Variants in OR6C74 observed in about 807,000 individuals in gnomAD.
OR6C74 encodes olfactory receptor family 6 subfamily C member 74.
For missense variants in OR6C74, 361 were observed against 362.9 expected, an observed-to-expected ratio of 0.99 and a Z score of 0.04; for synonymous variants, 142 against 134.2, an observed-to-expected ratio of 1.06 and a Z score of -0.40.
In OR6C74 at chr12:55,248,010, C is replaced by T. The variant is rs772190595; in HGVS notation, c.723C>T (p.Ser241=). The part of the protein sequence containing the change: ...QRKKAFSTCS[S]HMVVVSISYG... ...AAAAAGCATTTTCTACATGTTCTTCCCACATGGTGGTCGTGTCCATTTCTT... is the reference window on the plus strand; with the variant it reads ...AAAAAGCATTTTCTACATGTTCTTCTCACATGGTGGTCGTGTCCATTTCTT... The change falls in exon 2 of 2, where the codon TCC becomes TCT. Residue 241 remains serine (S), a synonymous_variant. Transcript: ENST00000343399. The T allele has an allele frequency of 6.2e-7, 1 of 1,614,002 alleles. No individual in the cohort carries two copies. The highest frequency in any genetic ancestry group is 1.1e-5 in the South Asian group (1 of 91,082).
At position 55,251,662 on chromosome 12, in the gene OR6C74, T is replaced by C. The variant is rs1954312167; in HGVS notation, c.*3436T>C. On this transcript the variant is annotated 3_prime_UTR_variant, in exon 2 of 2. Transcript: ENST00000343399. ...AATTAGGTGTTAGAAAACTACAAGT[T>C]TACTATAAATATGGAGTGTTTATGA... is the stretch of plus-strand genomic sequence containing the variant. Among the ~76,000 whole-genome samples the C allele has an allele frequency of 6.6e-6, 1 of 151,914 alleles. No homozygotes were observed. Among genetic ancestry groups the C allele is most frequent in the African/African-American group, 2.4e-5 (1 of 41,426 alleles).
In OR6C74 at chr12:55,247,646, G is replaced by T. The variant is rs147024621; in HGVS notation, c.359G>T (p.Arg120Leu). ...FFLLAAMSYE[R>L]YVAICKPLHY... is the part of the protein sequence containing the mutation. ...CTTCTGGCTGCCATGTCCTATGAGCGCTATGTGGCCATCTGCAAACCCCTG... is the reference window on the plus strand; with the variant it reads ...CTTCTGGCTGCCATGTCCTATGAGCTCTATGTGGCCATCTGCAAACCCCTG... The change falls in exon 2 of 2, where the codon CGC (arginine) becomes CTC (leucine). Residue 120 changes from arginine to leucine, a missense_variant. Coordinates refer to ENST00000343399, the MANE Select transcript of OR6C74 (RefSeq NM_001005490.2). 1.3e-5 allele frequency: 21 copies of T among 1,613,698 alleles called. No individual in the cohort carries two copies. The highest frequency in any genetic ancestry group is 1.7e-5 in the Non-Finnish European group (20 of 1,179,910).
chr12:55,249,681 G>A lies in OR6C74; in HGVS notation c.*1455G>A, dbSNP rs1239671140. Reference sequence around the variant, plus strand: ...GCAATACTTTAAGAACATTTTATTTGAAAATAGAAAATAAATATCTAGGGA... The same window carrying A: ...GCAATACTTTAAGAACATTTTATTTAAAAATAGAAAATAAATATCTAGGGA... On this transcript the variant is annotated 3_prime_UTR_variant, in exon 2 of 2. Transcript: ENST00000343399. Among the ~76,000 whole-genome samples the A allele has an allele frequency of 6.6e-6, 1 of 151,934 alleles. No homozygotes were observed.
chr12:55,247,994 T>C lies in OR6C74; in HGVS notation c.707T>C (p.Phe236Ser), dbSNP rs753810041. The stretch of plus-strand genomic sequence containing the variant: ...TCTTCTCAACAGAGAAAAAAAGCAT[T>C]TTCTACATGTTCTTCCCACATGGTG... ...IPSSQQRKKA[F>S]STCSSHMVVV... Residue 236 changes from phenylalanine (F) to serine (S), a missense_variant, in exon 2 of 2, where the codon TTT becomes TCT. Physicochemically the swap from Phe to Ser is radical, Grantham distance 155. Transcript: ENST00000343399. 13 of 1,614,058 alleles carry C rather than the reference T, an allele frequency of 8.1e-6. No homozygotes were observed. The highest frequency in any genetic ancestry group is 2.5e-6 in the Non-Finnish European group (3 of 1,179,956).
rs1179050131 is a variant in OR6C74, at chr12:55,256,510, C to T, written c.*8284C>T. 6.6e-6 allele frequency among the ~76,000 whole-genome samples: 1 copy of T among 152,074 alleles called. No individual in the cohort carries two copies. Among genetic ancestry groups the T allele is most frequent in the African/African-American group, 2.4e-5 (1 of 41,428 alleles). Reference sequence around the variant, plus strand: ...AAGACTGTGTTTCTGTTTTAAGGCTCTGTTAGAAATTACTGATGCACACAC... The same window carrying T: ...AAGACTGTGTTTCTGTTTTAAGGCTTTGTTAGAAATTACTGATGCACACAC... On this transcript the variant is annotated 3_prime_UTR_variant, in exon 2 of 2. Transcript: ENST00000343399.
At position 55,248,371 on chromosome 12, in the gene OR6C74, C is replaced by T. The variant is rs1954291182; in HGVS notation, c.*145C>T. On this transcript the variant is annotated 3_prime_UTR_variant, in exon 2 of 2. Coordinates refer to ENST00000343399, the MANE Select transcript of OR6C74 (RefSeq NM_001005490.2). ...ATTATGGCCTTCCTAATCTCCAAAG[C>T]CTAACCTTCACTGCCATTTCTCCCT... 1.7e-6 allele frequency: 1 copy of T among 588,424 alleles called. No homozygotes were observed. The highest frequency in any genetic ancestry group is 1.9e-5 in the African/African-American group (1 of 53,410). The allele number at this position is 588,424 out of a possible 1,614,324, so 36.5% of individuals were successfully genotyped here.
At chr12:55,245,918 G>A (rs894636034) in intron 1 of OR6C74, among the ~76,000 whole-genome samples, 5 of 152,016 alleles carry the variant, frequency 3.3e-5, no homozygotes, top group Non-Finnish European at 7.4e-5. Flanking sequence ...AAAGGAAGGG[G>A]AAAAGTACAA....
At position 55,249,303 on chromosome 12, in the gene OR6C74, CAAGAA is replaced by C. The variant is rs1954296995; in HGVS notation, c.*1080_*1084del. ...AGTACCCTATCTCAGTGTTATAAGA[CAAGAA>C]AACTTTTTCTGAAAGACTAATGTCA... On this transcript the variant is annotated 3_prime_UTR_variant, in exon 2 of 2. Transcript: ENST00000343399. 6.6e-6 allele frequency among the ~76,000 whole-genome samples: 1 copy of C among 152,020 alleles called. No homozygotes were observed. The highest frequency in any genetic ancestry group is 2.4e-5 in the African/African-American group (1 of 41,408).
At position 55,250,353 on chromosome 12, in the gene OR6C74, C is replaced by G. The variant is rs1448928236; in HGVS notation, c.*2127C>G. Among the ~76,000 whole-genome samples the G allele has an allele frequency of 1.3e-5, 2 of 150,178 alleles. No individual in the cohort carries two copies. Among genetic ancestry groups the G allele is most frequent in the African/African-American group, 5.0e-5 (2 of 39,680 alleles). On this transcript the variant is annotated 3_prime_UTR_variant, in exon 2 of 2. Transcript: ENST00000343399. ...AATGTATATTAAAAACTTTTTCTCC[C>G]CTTTTTTAATCCAAAAATGAATTAT...
intron 1 of OR6C74, among the ~76,000 whole-genome samples, chr12:55,245,385 T>A (rs1309018763): frequency 2.0e-5 from 3 of 152,180 alleles, no homozygotes; most frequent in Admixed American, 6.5e-5. Context: ...TTGTGAAATA[T>A]AATACTGAAA....
Position 55,251,886 on chromosome 12 carries a change from A to T in OR6C74, c.*3660A>T, listed in dbSNP as rs538086153. Among the ~76,000 whole-genome samples the T allele has an allele frequency of 6.6e-6, 1 of 151,862 alleles. No individual in the cohort carries two copies. Among genetic ancestry groups the T allele is most frequent in the East Asian group, 1.9e-4 (1 of 5,172 alleles). On this transcript the variant is annotated 3_prime_UTR_variant, in exon 2 of 2. Transcript: ENST00000343399. ...CATGGAGCTTGAGAAAAAATTGCTT[A>T]TAAGAAAAATAAATGCTACCTTCAA...
At position 55,249,780 on chromosome 12, in the gene OR6C74, G is replaced by A. The variant is rs533689433; in HGVS notation, c.*1554G>A. ...GTTTTTTTTTATTATTATACTTTAA[G>A]TTCTAGGGTACATGTGCACAACGTG... On this transcript the variant is annotated 3_prime_UTR_variant, in exon 2 of 2. Transcript: ENST00000343399. 2.4e-4 allele frequency among the ~76,000 whole-genome samples: 37 copies of A among 151,518 alleles called. 1 individual carries two copies. The highest frequency in any genetic ancestry group is 9.0e-4 in the African/African-American group (37 of 41,044).
Position 55,252,804 on chromosome 12 carries a change from C to T in OR6C74, c.*4578C>T, listed in dbSNP as rs1954320073. Among the ~76,000 whole-genome samples the T allele has an allele frequency of 6.6e-6, 1 of 151,910 alleles. No individual in the cohort carries two copies. Among genetic ancestry groups the T allele is most frequent in the Non-Finnish European group, 1.5e-5 (1 of 67,896 alleles). The stretch of plus-strand genomic sequence containing the variant: ...CTATGTCTACTTATAAAATAAAATT[C>T]CATAATTCTCTTCAATGTGTCTTTT... On this transcript the variant is annotated 3_prime_UTR_variant, in exon 2 of 2. Coordinates refer to ENST00000343399, the MANE Select transcript of OR6C74 (RefSeq NM_001005490.2).
rs986665239 is a variant in OR6C74, at chr12:55,252,315, T to C, written c.*4089T>C. On this transcript the variant is annotated 3_prime_UTR_variant, in exon 2 of 2. Transcript: ENST00000343399. ...TTTACCTTGTACTTAGTTATGTGGG[T>C]TGTTGTAGTGCAAAGTTAATGCTTC... Among the ~76,000 whole-genome samples, 11 of 151,772 alleles carry C rather than the reference T, an allele frequency of 7.2e-5. No homozygotes were observed. The highest frequency in any genetic ancestry group is 1.0e-4 in the Non-Finnish European group (7 of 67,814).
chr12:55,251,896 T>C lies in OR6C74; in HGVS notation c.*3670T>C, dbSNP rs1954313274. On this transcript the variant is annotated 3_prime_UTR_variant, in exon 2 of 2. Coordinates refer to ENST00000343399, the MANE Select transcript of OR6C74 (RefSeq NM_001005490.2). The stretch of plus-strand genomic sequence containing the variant: ...GAGAAAAAATTGCTTATAAGAAAAA[T>C]AAATGCTACCTTCAAATATTAAGAT... 6.6e-6 allele frequency among the ~76,000 whole-genome samples: 1 copy of C among 151,640 alleles called. No homozygotes were observed. The highest frequency in any genetic ancestry group is 1.5e-5 in the Non-Finnish European group (1 of 67,744).
rs1318126137 is a variant in OR6C74, at chr12:55,251,451, A to G, written c.*3225A>G. Among the ~76,000 whole-genome samples, 1 of 152,054 alleles carries G rather than the reference A, an allele frequency of 6.6e-6. No individual in the cohort carries two copies. Among genetic ancestry groups the G allele is most frequent in the Non-Finnish European group, 1.5e-5 (1 of 67,952 alleles). The stretch of plus-strand genomic sequence containing the variant: ...TCTTCATCCAAGCCGGTGCCTAGTA[A>G]GGAATAAATAAAATAAATAAGGCAG... On this transcript the variant is annotated 3_prime_UTR_variant, in exon 2 of 2. Transcript: ENST00000343399.
intron 1 of OR6C74, among the ~76,000 whole-genome samples, chr12:55,245,766 C>A (rs1218978069): frequency 6.6e-6 from 1 of 150,608 alleles, no homozygotes; most frequent in Non-Finnish European, 1.5e-5. Flanking sequence ...TATAACTCAT[C>A]TTTTGTTGAT....
rs908466112 is a variant in OR6C74 at position 55,250,526 on chromosome 12, A to G, written c.*2300A>G. Among the ~76,000 whole-genome samples the G allele has an allele frequency of 3.7e-4, 56 of 152,114 alleles. No individual in the cohort carries two copies. Among genetic ancestry groups the G allele is most frequent in the Admixed American group, 3.7e-3 (56 of 15,256 alleles). ...TAGGCCTAAGTTACGATGGGAAAAG[A>G]TTAGTGAAGATCATTTTTTACTTAA... On this transcript the variant is annotated 3_prime_UTR_variant, in exon 2 of 2. Transcript: ENST00000343399.
rs1456255905 is a variant in OR6C74 at position 55,254,350 on chromosome 12, T to C, written c.*6124T>C. Among the ~76,000 whole-genome samples, 1 of 152,072 alleles carries C rather than the reference T, an allele frequency of 6.6e-6. No individual in the cohort carries two copies. Among genetic ancestry groups the C allele is most frequent in the East Asian group, 1.9e-4 (1 of 5,190 alleles). ...TGTTCCATATTGCAATTCCTCTAAG[T>C]TTTAGATTTATATTTACATATATGA... On this transcript the variant is annotated 3_prime_UTR_variant, in exon 2 of 2. Coordinates refer to ENST00000343399, the MANE Select transcript of OR6C74 (RefSeq NM_001005490.2).
Sources: allele counts gnomAD v4.1 joint callset (sites outside exome capture counted in the v4.1 genomes callset), GRCh38; gene constraint gnomAD v4.1.1; transcripts MANE v1.5; gene names NCBI Gene and HGNC (gene_info 2026-07-23, HGNC 2026-07-21).